Variants in OR13C3 observed in about 807,000 individuals in gnomAD.
OR13C3 encodes olfactory receptor 13C3.
In OR13C3, 19 loss-of-function variants were observed where a neutral mutation model predicts 14.4. That is an observed-to-expected ratio of 1.31 (90% CI 0.92 to 1.93). The LOEUF is 1.93. Ranked by LOEUF, OR13C3 falls within the 30% of genes most tolerant of loss-of-function variation. The pLI, the probability that OR13C3 is intolerant of heterozygous loss-of-function variation, is 0.00. For missense variants in OR13C3, 394 were observed against 381.4 expected (o/e 1.03, Z -0.27); for synonymous variants, 140 against 142.5 (o/e 0.98, Z 0.12).
chr9:104,535,861 G>A, exon 1 of OR13C3: 5 of 1,612,110 alleles, frequency 3.1e-6, no homozygotes, highest in Non-Finnish European at 4.2e-6. Flanking sequence ...CAGCATGGGT[G>A]TCACTACCCC....
exon 1 of OR13C3, chr9:104,536,815 C>G: frequency 6.2e-7 from 1 of 1,601,912 alleles, no homozygotes; most frequent in Non-Finnish European, 8.5e-7. Context: ...AACAATCATT[C>G]TTTTGACACA....
chr9:104,536,058 G>A lies in OR13C3; in HGVS notation c.666C>T (p.Leu222=), dbSNP rs535495429. ...CTGAATTCATTTGCAAGATGGTGTA[G>A]AGGATGAACATATAGGAGAAAAAAA... Residue 222 remains leucine (L), a synonymous_variant, in exon 1 of 1, where the codon CTC becomes CTT. Transcript: ENST00000641090. 4 of 1,614,114 alleles carry A rather than the reference G, an allele frequency of 2.5e-6. No homozygotes were observed. In the African/African-American group the frequency reaches 4.0e-5, roughly 16 times the overall value.
chr9:104,536,470 A>G (rs1289060340), exon 1 of OR13C3: 1 of 1,614,184 alleles, frequency 6.2e-7, no homozygotes. Flanking sequence ...CTTTGAGATT[A>G]AGCTCACCAA....
exon 1 of OR13C3, chr9:104,536,583 T>C (rs140620425): frequency 1.3e-5 from 21 of 1,613,792 alleles, no homozygotes; most frequent in Non-Finnish European, 1.7e-5. Flanking sequence ...AGATGCTGGC[T>C]ATGATTAGAA....
chr9:104,536,569 T>C, exon 1 of OR13C3: 2 of 1,614,066 alleles, frequency 1.2e-6, no homozygotes, highest in Non-Finnish European at 1.7e-6. Context: ...AAAATGAGAA[T>C]CAAAGATGCT....
At chr9:104,535,804 A>T in exon 1 of OR13C3, 1 of 1,612,762 alleles carries the variant, frequency 6.2e-7, no homozygotes, top group Non-Finnish European at 8.5e-7. Flanking sequence ...CAAATATTTT[A>T]CAGCAGCTTT....
At chr9:104,536,509 C>T (rs763166745) in exon 1 of OR13C3, 5 of 1,613,946 alleles carry the variant, frequency 3.1e-6, no homozygotes, top group South Asian at 1.1e-5. Context: ...GGATGTATAG[C>T]AGATATCCAG....
rs145221004 is a variant in OR13C3 at position 104,535,938 on chromosome 9, C to T, written c.786G>A (p.Pro262=). 4.5e-4 allele frequency: 727 copies of T among 1,614,078 alleles called. 4 individuals carry two copies. In the South Asian group the frequency reaches 6.9e-3, roughly 15 times the overall value. The change falls in exon 1 of 1, where the codon CCG becomes CCA. Residue 262 remains proline, a synonymous_variant. Coordinates refer to ENST00000641090, the Ensembl canonical transcript of OR13C3. ...CTTCCCCAATCAGGTCTTGAGACTTCGGTTTCGCATACATAAAGAAGATGG... is the reference window on the plus strand; with the variant it reads ...CTTCCCCAATCAGGTCTTGAGACTTTGGTTTCGCATACATAAAGAAGATGG...
At chr9:104,536,322 G>T in exon 1 of OR13C3, 1 of 1,614,162 alleles carries the variant, frequency 6.2e-7, no homozygotes, top group South Asian at 1.1e-5. Flanking sequence ...TGCTCAGGAT[G>T]ATGGGGTATC....
chr9:104,536,042 T>C (rs553142482), exon 1 of OR13C3: 1 of 1,614,146 alleles, frequency 6.2e-7, no homozygotes, highest in Non-Finnish European at 8.5e-7. Context: ...GCTGAATTCA[T>C]TTGCAAGATG....
At chr9:104,536,680 A>C in exon 1 of OR13C3, 1 of 1,614,138 alleles carries the variant, frequency 6.2e-7, no homozygotes, top group Non-Finnish European at 8.5e-7. Context: ...AGAAAGACCC[A>C]GAAGAAGAAA....
exon 1 of OR13C3, chr9:104,536,118 T>C (rs2118425136): frequency 6.2e-7 from 1 of 1,613,884 alleles, no homozygotes; most frequent in East Asian, 2.2e-5. Context: ...AGGCCATATT[T>C]GATATCACCA....
exon 1 of OR13C3, chr9:104,536,231 T>G: frequency 6.2e-7 from 1 of 1,614,094 alleles, no homozygotes; most frequent in South Asian, 1.1e-5. Flanking sequence ...AAAGGCAGTC[T>G]CATGGCAAGT....
At chr9:104,536,150 T>C (rs367604689) in exon 1 of OR13C3, 48 of 1,613,964 alleles carry the variant, frequency 3.0e-5, no homozygotes, top group Middle Eastern at 1.6e-4. Context: ...TTGAGGGATA[T>C]ATCAGCACAG....
At chr9:104,536,397 T>C (rs774118466) in exon 1 of OR13C3, 1 of 1,614,022 alleles carries the variant, frequency 6.2e-7, no homozygotes, top group Non-Finnish European at 8.5e-7. Context: ...GACATTCTGT[T>C]GACCCCATTG....
chr9:104,536,445 G>T (rs765260908), exon 1 of OR13C3: 1 of 1,614,162 alleles, frequency 6.2e-7, no homozygotes, highest in South Asian at 1.1e-5. Context: ...ATCCAGAGAA[G>T]GAAATGTTTC....
Position 104,536,328 on chromosome 9 carries a change from G to C in OR13C3, c.396C>G (p.Tyr132Ter). 1 of 1,614,150 alleles carries C rather than the reference G, an allele frequency of 6.2e-7. No individual in the cohort carries two copies. The change falls in exon 1 of 1, where the codon TAC becomes TAG. Residue 132 changes from tyrosine to a stop codon, truncating the protein, a stop_gained. Coordinates refer to ENST00000641090, the Ensembl canonical transcript of OR13C3. LOFTEE classifies it high-confidence loss of function. ...ACGCCACCTTGCTCAGGATGATGGG[G>C]TATCTCAGTGGGTTGCAGATGGCCA...
chr9:104,536,413 C>A (rs776763394), exon 1 of OR13C3: 11 of 1,613,958 alleles, frequency 6.8e-6, no homozygotes, highest in Non-Finnish European at 8.5e-6. Context: ...CATTGCAAAC[C>A]CAAAGAACAT....
chr9:104,536,422 A>T, exon 1 of OR13C3: 4 of 1,614,182 alleles, frequency 2.5e-6, no homozygotes, highest in Non-Finnish European at 3.4e-6. Flanking sequence ...CCCAAAGAAC[A>T]TCTGCACTGC....
Sources: gnomAD v4.1 joint callset for allele counts on GRCh38, gnomAD v4.1.1 for gene constraint, MANE v1.5 for transcripts, NCBI Gene and HGNC (gene_info 2026-07-23, HGNC 2026-07-21) for gene names.